The following KIFC3 variants were observed in gnomAD, a reference collection of about 807,000 sequenced individuals.
KIFC3 encodes kinesin family member C3, also known as kinesin-like protein KIFC3.
KIFC3 carries 60 observed loss-of-function variants against 101.8 expected under a neutral mutation model. The observed-to-expected ratio is 0.59, with a 90% CI of 0.48 to 0.73. The LOEUF is 0.73. KIFC3 is among the 30% of genes least tolerant of loss of function. The probability of loss-of-function intolerance (pLI) is 0.00; values close to 1 mark genes in which losing one functional copy is unlikely to be tolerated. For missense variants in KIFC3, 966 were observed against 1,137.1 expected (o/e 0.85, Z 2.16); for synonymous variants, 476 against 482.7 (o/e 0.99, Z 0.18).
chr16:57,850,469 T>G (rs866541942), intron 1 of KIFC3, among the ~76,000 whole-genome samples: 91 of 91,214 alleles, frequency 1.0e-3, no homozygotes, highest in Non-Finnish European at 1.7e-3. Flanking sequence ...AAAAGGGTTT[T>G]TTTTTTTTTT....
intron 1 of KIFC3, among the ~76,000 whole-genome samples, chr16:57,836,285 G>A (rs1476462242): frequency 2.0e-5 from 3 of 152,120 alleles, no homozygotes; most frequent in Non-Finnish European, 4.4e-5. Flanking sequence ...GCTAATTTTT[G>A]TATTTTTGGT....
At chr16:57,784,556 T>C (rs2053119244) in intron 3 of KIFC3, among the ~76,000 whole-genome samples, 1 of 152,196 alleles carries the variant, frequency 6.6e-6, no homozygotes, top group Non-Finnish European at 1.5e-5. Flanking sequence ...GCCATCTCTT[T>C]GCTGGCTCAT....
chr16:57,817,066 C>T (rs576653412), intron 1 of KIFC3: 13 of 286,284 alleles, frequency 4.5e-5, no homozygotes, highest in African/African-American at 1.6e-4. Context: ...ACAACAAAAA[C>T]GTATTCTCTC....
intron 1 of KIFC3, among the ~76,000 whole-genome samples, chr16:57,860,081 A>G (rs2149340779): frequency 6.8e-6 from 1 of 146,940 alleles, no homozygotes; most frequent in Admixed American, 6.7e-5. Context: ...ATAAAATAAA[A>G]TAAAATAAAA....
intron 17 of KIFC3, 95 bp downstream of exon 17, chr16:57,760,187 G>A: frequency 6.9e-7 from 1 of 1,445,146 alleles, no homozygotes; most frequent in Non-Finnish European, 9.3e-7. Context: ...TGCCCCCACT[G>A]CTTCAGGACG....
rs1473941884 is a variant in KIFC3 at position 57,758,436 on chromosome 16, G to A, written c.*498C>T. On this transcript the variant is annotated 3_prime_UTR_variant, in exon 20 of 20. Transcript: ENST00000445690. ...GCCTCCGCACACCCCCCAGCTGCGG[G>A]AACCCTCCTTGAAGGAGAGGGGCGG... 2.7e-6 allele frequency: 1 copy of A among 373,736 alleles called. No homozygotes were observed. Among genetic ancestry groups the A allele is most frequent in the Admixed American group, 3.7e-5 (1 of 26,912 alleles). The allele number at this position is 373,736 out of a possible 1,614,324, so 23.2% of individuals were successfully genotyped here. A position where few individuals can be genotyped will look rare whatever the true frequency, so the allele number is the denominator to read the frequency against.
At chr16:57,781,256 A>G (rs1408520159) in intron 3 of KIFC3, among the ~76,000 whole-genome samples, 4 of 152,192 alleles carry the variant, frequency 2.6e-5, no homozygotes, top group Non-Finnish European at 4.4e-5. Flanking sequence ...CAGGGGCTAC[A>G]GTGAGCTGTG....
intron 1 of KIFC3, among the ~76,000 whole-genome samples, chr16:57,847,273 A>AAGGGAGGGAGGGAGAGAGGGC (rs2055950116): frequency 1.5e-5 from 1 of 66,830 alleles, no homozygotes; most frequent in Non-Finnish European, 2.8e-5. Flanking sequence ...GAAGGAAGGG[A>AAGGGAGGGAGGGAGAGAGGGC]AGGGAGGGAG....
At chr16:57,844,843 C>T (rs146443277) in intron 1 of KIFC3, among the ~76,000 whole-genome samples, 2 of 152,238 alleles carry the variant, frequency 1.3e-5, no homozygotes, top group African/African-American at 2.4e-5. Context: ...GACCCTGCAG[C>T]GGCTGTGGTG....
intron 1 of KIFC3, among the ~76,000 whole-genome samples, chr16:57,853,101 A>T (rs1316614320): frequency 6.6e-6 from 1 of 152,154 alleles, no homozygotes; most frequent in African/African-American, 2.4e-5. Flanking sequence ...CCAATAGATA[A>T]ATTAAAATGG....
intron 9 of KIFC3, among the ~76,000 whole-genome samples, chr16:57,768,235 A>C (rs2050709177): frequency 6.6e-6 from 1 of 152,128 alleles, no homozygotes; most frequent in South Asian, 2.1e-4. Context: ...AATCCCAGCT[A>C]TCCAGGAGGC....
At chr16:57,850,465 GTT>G (rs373157438) in intron 1 of KIFC3, among the ~76,000 whole-genome samples, 4,730 of 83,410 alleles carry the variant, frequency 0.057, 23 homozygotes, top group African/African-American at 0.09. Flanking sequence ...TTTAAAAAGG[GTT>G]TTTTTTTTTT....
At chr16:57,860,363 G>C (rs2149341297) in intron 1 of KIFC3, among the ~76,000 whole-genome samples, 1 of 152,152 alleles carries the variant, frequency 6.6e-6, no homozygotes, top group Middle Eastern at 3.4e-3. Context: ...TAAGGCAGGA[G>C]AATCACTTGA....
chr16:57,788,203 GC>G (rs1370286026), intron 3 of KIFC3, among the ~76,000 whole-genome samples: 5 of 152,202 alleles, frequency 3.3e-5, no homozygotes, highest in African/African-American at 1.2e-4. Context: ...GAGGGAGAAG[GC>G]CGAGTCTCTC....
rs2049434691 is a variant in KIFC3, at chr16:57,758,821, C to T, written c.*113G>A. ...ACTCTCGCCTCTACCTCCGGGGGTC[C>T]TGGCGCTGCAGCAGGGACAGGCCAG... On this transcript the variant is annotated 3_prime_UTR_variant, in exon 20 of 20. Coordinates refer to ENST00000445690, the MANE Select transcript of KIFC3 (RefSeq NM_001130100.2). 2 of 1,585,856 alleles carry T rather than the reference C, an allele frequency of 1.3e-6. No homozygotes were observed. Among genetic ancestry groups the T allele is most frequent in the Non-Finnish European group, 1.7e-6 (2 of 1,158,016 alleles).
At chr16:57,836,052 G>A (rs914207014) in intron 1 of KIFC3, among the ~76,000 whole-genome samples, 1 of 151,798 alleles carries the variant, frequency 6.6e-6, no homozygotes, top group Non-Finnish European at 1.5e-5. Flanking sequence ...AAACCCAGTC[G>A]CCAGCCTGAA....
intron 1 of KIFC3, among the ~76,000 whole-genome samples, chr16:57,815,265 G>T (rs2055193865): frequency 6.6e-6 from 1 of 152,194 alleles, no homozygotes; most frequent in Non-Finnish European, 1.5e-5. Context: ...GATAAATGGT[G>T]CCCAAGGCTG....
intron 1 of KIFC3, among the ~76,000 whole-genome samples, chr16:57,856,095 G>A (rs932879310): frequency 1.2e-4 from 18 of 151,572 alleles, no homozygotes; most frequent in African/African-American, 4.4e-4. Flanking sequence ...AAGTGGAGGT[G>A]GGAGGATCAC....
intron 3 of KIFC3, chr16:57,788,625 C>G: frequency 7.8e-7 from 1 of 1,289,520 alleles, no homozygotes; most frequent in Non-Finnish European, 1.0e-6. Flanking sequence ...CTCCCGGGCC[C>G]GCCTGGGGGC....
Sources: allele counts gnomAD v4.1 joint callset (sites outside exome capture counted in the v4.1 genomes callset), GRCh38; gene constraint gnomAD v4.1.1; transcripts MANE v1.5; gene names NCBI Gene and HGNC (gene_info 2026-07-23, HGNC 2026-07-21).